The following SEPTIN9 variants were observed in gnomAD, a reference collection of about 807,000 sequenced individuals.
The protein encoded by SEPTIN9 is septin-9.
SEPTIN9 carries 13 observed loss-of-function variants against 56.6 expected under a neutral mutation model. The observed-to-expected ratio is 0.23, with a 90% CI of 0.15 to 0.37. The LOEUF is 0.37. Among genes scored for constraint, SEPTIN9 ranks in the 10% least tolerant of loss-of-function variants. The pLI is 1.00. For missense variants in SEPTIN9, 650 were observed against 823.1 expected, an observed-to-expected ratio of 0.79 and a Z score of 2.57; for synonymous variants, 332 against 334.1, an observed-to-expected ratio of 0.99 and a Z score of 0.07.
At position 77,421,739 on chromosome 17, in the gene SEPTIN9, G is replaced by A. The variant is rs1018779601; in HGVS notation, c.721+19036G>A. On this transcript the variant is annotated intron_variant, in intron 3 of 11. Transcript: ENST00000427177. The surrounding 1 kb of genome is among the most constrained non-coding windows in gnomAD (Gnocchi z 4.6). ...CTTTCCCCAGGCACTTCCTCTCACC[G>A]TGCCAGGGTGCAGGTTGCTAGTGGA... is the stretch of plus-strand genomic sequence containing the variant. Among the ~76,000 whole-genome samples, 10 of 152,136 alleles carry A rather than the reference G, an allele frequency of 6.6e-5. 1 individual carries two copies. Among genetic ancestry groups the A allele is most frequent in the South Asian group, 4.1e-4 (2 of 4,824 alleles).
intron 2 of SEPTIN9, among the ~76,000 whole-genome samples, chr17:77,360,838 A>G (rs2034392376): frequency 1.3e-5 from 2 of 150,030 alleles, no homozygotes; most frequent in Admixed American, 6.6e-5. Context: ...TGCTGGCATT[A>G]TGCCACTGCG....
intron 3 of SEPTIN9, among the ~76,000 whole-genome samples, chr17:77,406,442 C>A (rs1051179857): frequency 2.9e-5 from 4 of 137,640 alleles, no homozygotes; most frequent in Non-Finnish European, 6.6e-5. Context: ...CTTTCCTCTG[C>A]TAGACTTTTT....
intron 2 of SEPTIN9, among the ~76,000 whole-genome samples, chr17:77,380,861 C>T (rs766990707): frequency 2.6e-5 from 4 of 152,184 alleles, no homozygotes; most frequent in South Asian, 4.1e-4. Flanking sequence ...GCCGTTGTCT[C>T]GTGCCACCTG....
chr17:77,294,551 TC>T (rs2031717464), intron 1 of SEPTIN9: 1 of 169,838 alleles, frequency 5.9e-6, no homozygotes, highest in African/African-American at 2.4e-5. Flanking sequence ...ATTGTTTTGT[TC>T]AAGATACACA....
At chr17:77,431,559 AG>A (rs2037132791) in intron 3 of SEPTIN9, among the ~76,000 whole-genome samples, 1 of 152,168 alleles carries the variant, frequency 6.6e-6, no homozygotes, top group Admixed American at 6.5e-5. Flanking sequence ...CACCTCAGCC[AG>A]GCACGGTGGT....
chr17:77,315,241 A>G (rs779396025), intron 2 of SEPTIN9, among the ~76,000 whole-genome samples: 1 of 151,724 alleles, frequency 6.6e-6, no homozygotes, highest in Non-Finnish European at 1.5e-5. Flanking sequence ...ATCTTGAAAA[A>G]GAAGCAGTTC....
At chr17:77,336,864 T>C (rs11869791) in intron 2 of SEPTIN9, among the ~76,000 whole-genome samples, 28,724 of 152,158 alleles carry the variant, frequency 0.19, 2,905 homozygotes, top group Middle Eastern at 0.27. Context: ...CCTTCTATTC[T>C]TAATTTGCTG....
Position 77,451,422 on chromosome 17 carries a change from C to G in SEPTIN9, c.722-30722C>G. 2.0e-6 allele frequency: 2 copies of G among 985,662 alleles called. No homozygotes were observed. Among genetic ancestry groups the G allele is most frequent in the Non-Finnish European group, 1.2e-6 (1 of 830,076 alleles). The allele number at this position is 985,662 out of a possible 1,614,324, so 61.1% of individuals were successfully genotyped here. On this transcript the variant is annotated intron_variant, in intron 3 of 11. Transcript: ENST00000427177. The surrounding 1 kb of genome is among the most constrained non-coding windows in gnomAD (Gnocchi z 4.2). ...GCGCTCTGGGAGGCTCCTTGTTCCG[C>G]GACCACAAAGCCCCTTTGATCCTCT...
intron 2 of SEPTIN9, among the ~76,000 whole-genome samples, chr17:77,365,589 C>T (rs1389953926): frequency 1.3e-5 from 2 of 152,098 alleles, no homozygotes; most frequent in African/African-American, 2.4e-5. Flanking sequence ...GAAGGATCTC[C>T]CTGGGATTGT....
At chr17:77,320,935 G>T (rs555576798) in intron 2 of SEPTIN9, among the ~76,000 whole-genome samples, 7 of 152,220 alleles carry the variant, frequency 4.6e-5, no homozygotes, top group Non-Finnish European at 1.5e-5. Flanking sequence ...CCCCCTTGCC[G>T]CAGGCACAGA....
At position 77,402,790 on chromosome 17, in the gene SEPTIN9, T is replaced by C; in HGVS notation, c.721+87T>C. The stretch of plus-strand genomic sequence containing the variant: ...GCCACAGAATCTTGGAGGAAGAAGC[T>C]GGATATGGGGTGGAGGGTGCTACCC... On this transcript the variant is annotated intron_variant, in intron 3 of 11. Coordinates refer to ENST00000427177, the MANE Select transcript of SEPTIN9 (RefSeq NM_001113491.2). This position sits in a 1 kb window ranked among gnomAD's most constrained non-coding sequence, Gnocchi z 6.6. 1.4e-6 allele frequency: 2 copies of C among 1,381,662 alleles called. No homozygotes were observed. The highest frequency in any genetic ancestry group is 1.9e-6 in the Non-Finnish European group (2 of 1,027,240). The allele number at this position is 1,381,662 out of a possible 1,614,324, so 85.6% of individuals were successfully genotyped here.
At position 77,323,557 on chromosome 17, in the gene SEPTIN9, C is replaced by T. The variant is rs74709405; in HGVS notation, c.76+16360C>T. On this transcript the variant is annotated intron_variant, in intron 2 of 11. Transcript: ENST00000427177. This position sits in a 1 kb window ranked among gnomAD's most constrained non-coding sequence, Gnocchi z 6.8. ...GGGGCTTGGCCACGCTGTCGCTGGA[C>T]GTCTGTCCCCACCAGGGTCCATCTG... 0.063 allele frequency: 9,625 copies of T among 152,434 alleles called. 410 individuals are homozygous for T. Among genetic ancestry groups the T allele is most frequent in the Non-Finnish European group, 0.093 (6,337 of 68,172 alleles). The allele number at this position is 152,434 out of a possible 1,614,324, so 9.4% of individuals were successfully genotyped here.
intron 3 of SEPTIN9, among the ~76,000 whole-genome samples, chr17:77,442,986 T>A (rs2037605886): frequency 6.6e-6 from 1 of 152,004 alleles, no homozygotes; most frequent in South Asian, 2.1e-4. Flanking sequence ...TGTGACAATG[T>A]CTTCTTAGGT....
At chr17:77,466,399 G>A (rs980819920) in intron 3 of SEPTIN9, 6 of 985,490 alleles carry the variant, frequency 6.1e-6, no homozygotes, top group South Asian at 4.7e-5. Flanking sequence ...CCCGGAGTTC[G>A]GGCTGGAAGG....
intron 2 of SEPTIN9, among the ~76,000 whole-genome samples, chr17:77,334,315 G>T (rs901564285): frequency 4.0e-5 from 6 of 151,820 alleles, no homozygotes; most frequent in Admixed American, 3.3e-4. Flanking sequence ...CCAGATAATC[G>T]GGAGGCCGAG....
chr17:77,292,273 C>T (rs566135989), intron 1 of SEPTIN9, among the ~76,000 whole-genome samples: 14 of 152,326 alleles, frequency 9.2e-5, no homozygotes, highest in Non-Finnish European at 2.1e-4. Flanking sequence ...CTCAGTCTTC[C>T]TCCCCATCAC....
chr17:77,288,218 C>CA (rs1375464059), intron 1 of SEPTIN9: 1 of 1,048,044 alleles, frequency 9.5e-7, no homozygotes, highest in Non-Finnish European at 1.2e-6. Flanking sequence ...CAGGTGGGTG[C>CA]ATTGCTCTCT....
At chr17:77,294,423 A>C (rs2031711911) in intron 1 of SEPTIN9, 1 of 154,008 alleles carries the variant, frequency 6.5e-6, no homozygotes, top group Non-Finnish European at 1.4e-5. Context: ...CCATCTCAAA[A>C]ATAAATAAAT....
intron 3 of SEPTIN9, among the ~76,000 whole-genome samples, chr17:77,427,875 A>G (rs764485510): frequency 3.3e-5 from 5 of 152,108 alleles, no homozygotes; most frequent in Non-Finnish European, 7.4e-5. Flanking sequence ...CCGACTTGCT[A>G]TTTGGAGCTG....
Sources: allele counts gnomAD v4.1 joint callset (sites outside exome capture counted in the v4.1 genomes callset), GRCh38; gene constraint gnomAD v4.1.1; non-coding constraint Gnocchi (gnomAD v3.1); transcripts MANE v1.5; gene names NCBI Gene and HGNC (gene_info 2026-07-23, HGNC 2026-07-21).